Variants in INSL6 observed in about 807,000 individuals in gnomAD.
INSL6 encodes the protein insulin like 6.
A neutral mutation model predicts 9.4 loss-of-function variants in INSL6; 16 were observed. That is an observed-to-expected ratio of 1.70 (90% CI 1.15 to 2.59). The LOEUF is 2.59. Among genes scored for constraint, INSL6 ranks in the 30% most tolerant of loss-of-function variants. INSL6 has a pLI of 0.00. For synonymous variants in INSL6, 154 were observed against 96.9 expected, an observed-to-expected ratio of 1.59 and a Z score of -3.46; for missense variants, 391 against 257.3, an observed-to-expected ratio of 1.52 and a Z score of -3.56.
At chr9:5,051,353 C>A in the INSL6 span, among the ~76,000 whole-genome samples, 1 of 152,052 alleles carries the variant, frequency 6.6e-6, no homozygotes, top group Non-Finnish European at 1.5e-5. Flanking sequence ...ATAGAAGATC[C>A]TCCAGTTGGC....
chr9:5,010,682 T>G, the INSL6 span, among the ~76,000 whole-genome samples: 1 of 152,202 alleles, frequency 6.6e-6, no homozygotes, highest in East Asian at 1.9e-4. Flanking sequence ...TAATCACATA[T>G]TTACTATTTT....
At chr9:5,072,531 A>G in the INSL6 span, 1 of 1,602,702 alleles carries the variant, frequency 6.2e-7, no homozygotes, top group South Asian at 1.1e-5. Context: ...AAAGATTTTT[A>G]AAGGCGTACG....
At chr9:5,151,969 T>C (rs1423454897) in intron 2 of INSL6, among the ~76,000 whole-genome samples, 1 of 152,096 alleles carries the variant, frequency 6.6e-6, no homozygotes, top group African/African-American at 2.4e-5. Context: ...GAAACACTAA[T>C]TATAAGAAAG....
the INSL6 span, among the ~76,000 whole-genome samples, chr9:5,053,907 C>G: frequency 6.6e-6 from 1 of 151,860 alleles, no homozygotes; most frequent in Non-Finnish European, 1.5e-5. Flanking sequence ...TATATTACGG[C>G]ATGGAAAATT....
At chr9:5,115,377 G>C in the INSL6 span, among the ~76,000 whole-genome samples, 3 of 152,310 alleles carry the variant, frequency 2.0e-5, no homozygotes, top group African/African-American at 4.8e-5. Flanking sequence ...TCTCATGCCA[G>C]TTAGAATGGC....
At chr9:5,069,072 T>G in the INSL6 span, 1 of 1,605,490 alleles carries the variant, frequency 6.2e-7, no homozygotes. Context: ...AAAATGAGAA[T>G]GAAGAGTACA....
At chr9:5,118,819 G>C in the INSL6 span, among the ~76,000 whole-genome samples, 22 of 152,202 alleles carry the variant, frequency 1.4e-4, no homozygotes, top group African/African-American at 4.6e-4. Flanking sequence ...AGTTTCATTT[G>C]ATCAGATCCA....
chr9:5,016,749 C>T, the INSL6 span, among the ~76,000 whole-genome samples: 6 of 152,300 alleles, frequency 3.9e-5, no homozygotes, highest in South Asian at 1.0e-3. Context: ...TCTCCATGCC[C>T]TCCCACTATC....
chr9:5,111,308 C>T, the INSL6 span: 1 of 463,454 alleles, frequency 2.2e-6, no homozygotes, highest in Non-Finnish European at 4.2e-6. Flanking sequence ...TGGCCCTCAG[C>T]AGCCCCGGAC....
chr9:5,111,006 C>T, the INSL6 span: 18 of 724,796 alleles, frequency 2.5e-5, no homozygotes, highest in Non-Finnish European at 3.5e-5. Context: ...CCGTTGCCAA[C>T]GGGAAGGGCC....
At chr9:5,046,564 G>C in the INSL6 span, among the ~76,000 whole-genome samples, 1 of 152,148 alleles carries the variant, frequency 6.6e-6, no homozygotes, top group Non-Finnish European at 1.5e-5. Flanking sequence ...TCCATTTTGA[G>C]TTAATTTTTG....
the INSL6 span, chr9:5,113,728 C>T: frequency 3.7e-3 from 625 of 167,092 alleles, 5 homozygotes; most frequent in African/African-American, 0.014. Flanking sequence ...CCACCACCCT[C>T]ACGCCCTCTG....
At chr9:5,137,742 T>C (rs1824412617) in intron 2 of INSL6, among the ~76,000 whole-genome samples, 1 of 152,036 alleles carries the variant, frequency 6.6e-6, no homozygotes, top group Non-Finnish European at 1.5e-5. Context: ...ACATATGGGA[T>C]CTAATTAAAC....
the INSL6 span, among the ~76,000 whole-genome samples, chr9:5,117,813 A>G: frequency 6.6e-6 from 1 of 152,202 alleles, no homozygotes; most frequent in Non-Finnish European, 1.5e-5. Flanking sequence ...AAAAGCTTTG[A>G]GAACTACTGA....
chr9:5,136,243 A>T (rs1824384979), intron 2 of INSL6, among the ~76,000 whole-genome samples: 1 of 152,184 alleles, frequency 6.6e-6, no homozygotes, highest in South Asian at 2.1e-4. Context: ...CAATTGAAAA[A>T]GAGGGAATCC....
the INSL6 span, among the ~76,000 whole-genome samples, chr9:5,009,978 G>A: frequency 1.3e-5 from 2 of 152,122 alleles, no homozygotes; most frequent in Non-Finnish European, 2.9e-5. Flanking sequence ...TCGCAATGTT[G>A]CCGGGGCTAG....
At chr9:5,176,868 T>C (rs1327699503) in intron 1 of INSL6, among the ~76,000 whole-genome samples, 5 of 152,162 alleles carry the variant, frequency 3.3e-5, no homozygotes, top group Admixed American at 2.6e-4. Context: ...TAAAAATAAG[T>C]TGCATTTCTC....
chr9:5,066,550 T>C, the INSL6 span: 1 of 599,346 alleles, frequency 1.7e-6, no homozygotes. Flanking sequence ...AGATTATTGC[T>C]AAACATATAA....
At chr9:5,087,145 T>G in the INSL6 span, among the ~76,000 whole-genome samples, 2 of 152,202 alleles carry the variant, frequency 1.3e-5, no homozygotes, top group African/African-American at 4.8e-5. Context: ...ACGCTGCAAA[T>G]AAAGACATAC....
Sources: allele counts gnomAD v4.1 joint callset (sites outside exome capture counted in the v4.1 genomes callset), GRCh38; gene constraint gnomAD v4.1.1; transcripts MANE v1.5; gene names NCBI Gene and HGNC (gene_info 2026-07-23, HGNC 2026-07-21).